Variants in TENM1 observed in about 807,000 individuals in gnomAD.
TENM1 encodes teneurin transmembrane protein 1.
Under a neutral mutation model 174.8 loss-of-function variants are expected in TENM1, and 35 were observed. The ratio of observed to expected loss-of-function variants is 0.20; its 90% confidence interval spans 0.15 to 0.27. TENM1 has a LOEUF of 0.27. TENM1 is among the 10% of genes least tolerant of loss of function. TENM1 has a pLI of 1.00. For synonymous variants in TENM1, 781 were observed against 798.7 expected, an observed-to-expected ratio of 0.98 and a Z score of 0.37; for missense variants, 1,633 against 2,130.1, an observed-to-expected ratio of 0.77 and a Z score of 4.59.
the TENM1 span, among the ~76,000 whole-genome samples, chrX:125,070,078 C>T: frequency 7.3e-5 from 8 of 110,034 alleles, no homozygotes; most frequent in Non-Finnish European, 1.5e-4. Flanking sequence ...GTGGTCTTAG[C>T]TACTCAGTAG....
At chrX:124,548,099 G>A (rs2148123357) in intron 14 of TENM1, among the ~76,000 whole-genome samples, 1 of 112,181 alleles carries the variant, frequency 8.9e-6, no homozygotes, top group East Asian at 2.8e-4. Flanking sequence ...GCCTCCCAAA[G>A]TGCTGGGATT....
chrX:124,512,106 G>A (rs1344591927), intron 18 of TENM1, among the ~76,000 whole-genome samples: 5 of 111,610 alleles, frequency 4.5e-5, no homozygotes, highest in East Asian at 2.8e-4. Flanking sequence ...AAATAAAGAC[G>A]AGGCAGAATG....
intron 3 of TENM1, among the ~76,000 whole-genome samples, chrX:124,742,762 T>C (rs186687485): frequency 1.8e-5 from 2 of 110,624 alleles, no homozygotes; most frequent in East Asian, 5.7e-4. Flanking sequence ...ACCACCTTCC[T>C]GAGCTCTTAT....
At chrX:125,053,622 G>A in the TENM1 span, among the ~76,000 whole-genome samples, 1 of 111,884 alleles carries the variant, frequency 8.9e-6, no homozygotes, top group Non-Finnish European at 1.9e-5. Context: ...CATTCAACCA[G>A]AGTAGCTTTT....
chrX:124,692,789 C>T (rs1043380883), intron 5 of TENM1, among the ~76,000 whole-genome samples: 11 of 108,484 alleles, frequency 1.0e-4, no homozygotes, highest in Non-Finnish European at 1.9e-5. Flanking sequence ...GACGGATCAC[C>T]TGAGGTCGGG....
chrX:125,147,150 T>G, the TENM1 span, among the ~76,000 whole-genome samples: 1 of 99,775 alleles, frequency 1.0e-5, no homozygotes, highest in Non-Finnish European at 2.2e-5. Flanking sequence ...TGTATATATA[T>G]CACATATATG....
At chrX:124,718,885 T>C (rs904976905) in intron 4 of TENM1, among the ~76,000 whole-genome samples, 33 of 111,821 alleles carry the variant, frequency 3.0e-4, no homozygotes, top group African/African-American at 1.0e-3. Flanking sequence ...AACTGGTCCA[T>C]GGGGAATATT....
At chrX:124,764,005 A>G (rs2054481936) in intron 3 of TENM1, among the ~76,000 whole-genome samples, 1 of 112,220 alleles carries the variant, frequency 8.9e-6, no homozygotes, top group African/African-American at 3.2e-5. Flanking sequence ...CTAAACTTGA[A>G]TCCAACGTTT....
intron 18 of TENM1, among the ~76,000 whole-genome samples, chrX:124,505,221 C>T (rs1316295669): frequency 1.8e-5 from 2 of 112,193 alleles, no homozygotes; most frequent in East Asian, 2.8e-4. Context: ...CCATTCCTGG[C>T]GGGGATGCCC....
chrX:124,563,143 G>T (rs752587392), intron 13 of TENM1, among the ~76,000 whole-genome samples: 3 of 110,473 alleles, frequency 2.7e-5, no homozygotes, highest in African/African-American at 9.8e-5. Context: ...AGAATAATTT[G>T]GGACATATTA....
intron 14 of TENM1, among the ~76,000 whole-genome samples, chrX:124,548,755 T>TC (rs2048489487): frequency 9.0e-6 from 1 of 110,736 alleles, no homozygotes; most frequent in South Asian, 3.9e-4. Flanking sequence ...TTGCTCTCTC[T>TC]CCCCCACTTG....
At chrX:125,038,997 C>T in the TENM1 span, among the ~76,000 whole-genome samples, 4 of 111,749 alleles carry the variant, frequency 3.6e-5, no homozygotes, top group East Asian at 1.1e-3. Context: ...AGGGACAACT[C>T]ATAGAATTCA....
chrX:125,015,241 T>A, the TENM1 span, among the ~76,000 whole-genome samples: 1 of 111,035 alleles, frequency 9.0e-6, no homozygotes, highest in Non-Finnish European at 1.9e-5. Flanking sequence ...CTATTTATAC[T>A]AAAAAAAATT....
chrX:124,713,879 A>G (rs961537111), intron 4 of TENM1, among the ~76,000 whole-genome samples: 9 of 112,349 alleles, frequency 8.0e-5, no homozygotes, highest in Non-Finnish European at 1.7e-4. Flanking sequence ...AAAAACAACT[A>G]TATGCGCTCA....
At chrX:124,553,669 A>T (rs1238243548) in intron 14 of TENM1, among the ~76,000 whole-genome samples, 12 of 105,419 alleles carry the variant, frequency 1.1e-4, no homozygotes, top group Admixed American at 2.1e-4. Flanking sequence ...CACATTTACC[A>T]CCTTCTATCA....
At chrX:125,161,450 C>T in the TENM1 span, among the ~76,000 whole-genome samples, 3 of 72,399 alleles carry the variant, frequency 4.1e-5, no homozygotes, top group Non-Finnish European at 8.1e-5. Context: ...GCTGACTGCT[C>T]AGCCATAAAA....
At chrX:125,070,927 T>C in the TENM1 span, among the ~76,000 whole-genome samples, 6 of 111,801 alleles carry the variant, frequency 5.4e-5, no homozygotes, top group Non-Finnish European at 3.8e-5. Context: ...AGATAACCTT[T>C]TGGGTTCCTT....
At chrX:125,047,476 C>T in the TENM1 span, among the ~76,000 whole-genome samples, 4 of 111,362 alleles carry the variant, frequency 3.6e-5, no homozygotes, top group Admixed American at 3.8e-4. Context: ...TATATGATGG[C>T]ACCAAATATC....
chrX:124,643,528 T>C (rs1356468751), intron 10 of TENM1, among the ~76,000 whole-genome samples: 1 of 111,509 alleles, frequency 9.0e-6, no homozygotes, highest in Non-Finnish European at 1.9e-5. Flanking sequence ...ATAGGAATTC[T>C]CATGTGGCAG....
Sources: gnomAD v4.1 joint callset for allele counts (sites outside exome capture counted in the v4.1 genomes callset) on GRCh38, gnomAD v4.1.1 for gene constraint, MANE v1.5 for transcripts, NCBI Gene and HGNC (gene_info 2026-07-23, HGNC 2026-07-21) for gene names.